SASH1: variants seen among roughly 807,000 people sequenced by gnomAD.
SASH1 encodes the protein SAM and SH3 domain containing 1.
Under a neutral mutation model 125.2 loss-of-function variants are expected in SASH1, and 44 were observed. The ratio of observed to expected loss-of-function variants is 0.35; its 90% CI spans 0.28 to 0.45. The LOEUF (loss-of-function observed/expected upper bound fraction) is 0.45, where lower values mean the gene tolerates loss of function less well. SASH1 is among the 20% of genes least tolerant of loss of function. The probability of loss-of-function intolerance (pLI) is 1.00; values close to 1 mark genes in which losing one functional copy is unlikely to be tolerated. For synonymous variants in SASH1, 639 were observed against 649.1 expected, an observed-to-expected ratio of 0.98 and a Z score of 0.24; for missense variants, 1,426 against 1,614.5, an observed-to-expected ratio of 0.88 and a Z score of 2.00.
intron 2 of SASH1, among the ~76,000 whole-genome samples, chr6:148,408,075 A>G (rs1356381007): frequency 6.6e-6 from 1 of 151,898 alleles, no homozygotes; most frequent in Non-Finnish European, 1.5e-5. Flanking sequence ...TAATGGACAT[A>G]AAATGGTATC....
intron 1 of SASH1, among the ~76,000 whole-genome samples, chr6:148,284,579 A>G (rs1486079402): frequency 1.3e-5 from 2 of 152,246 alleles, no homozygotes; most frequent in African/African-American, 2.4e-5. Flanking sequence ...AGTATTTTCC[A>G]GAGCTTTGAA....
At chr6:148,233,587 A>C in the SASH1 span, among the ~76,000 whole-genome samples, 1 of 151,954 alleles carries the variant, frequency 6.6e-6, no homozygotes, top group Non-Finnish European at 1.5e-5. Context: ...GCAATGAATT[A>C]CATGTTAATT....
At chr6:148,512,347 T>TA (rs1462402295) in intron 8 of SASH1, 36 of 410,966 alleles carry the variant, frequency 8.8e-5, no homozygotes, top group African/African-American at 7.4e-4. Context: ...CGTTGATAGT[T>TA]ATAGAGACTT....
chr6:148,253,237 G>T, the SASH1 span, among the ~76,000 whole-genome samples: 1 of 152,202 alleles, frequency 6.6e-6, no homozygotes, highest in Non-Finnish European at 1.5e-5. Flanking sequence ...TAGATCAGTG[G>T]AATCAAATTG....
At chr6:148,386,414 A>G (rs961074007) in intron 1 of SASH1, among the ~76,000 whole-genome samples, 1 of 152,206 alleles carries the variant, frequency 6.6e-6, no homozygotes, top group African/African-American at 2.4e-5. Context: ...ACAGTTCACA[A>G]ACGTGAAAGC....
chr6:148,471,410 T>TATG lies in SASH1; in HGVS notation c.428-7_428-6insATG. 7.6e-7 allele frequency: 1 copy of TATG among 1,309,368 alleles called. No individual in the cohort carries two copies. Among genetic ancestry groups the TATG allele is most frequent in the Non-Finnish European group, 1.0e-6 (1 of 960,970 alleles). The allele number at this position is 1,309,368 out of a possible 1,614,324, so 81.1% of individuals were successfully genotyped here. ...TCTTTTTTTTTTTTTTTTTTTTTTT[T>TATG]TTTAAGGAAAAGGAGACTGGAAGAA... On this transcript the variant is annotated splice_region_variant and splice_polypyrimidine_tract_variant and intron_variant, in intron 5 of 19. Transcript: ENST00000367467.
At position 148,343,106 on chromosome 6, in the gene SASH1, T is replaced by TGAGCCC. The variant is rs76317765; in HGVS notation, c.51_56dup (p.Glu22_Pro23dup). 215,220 of 1,573,028 alleles carry TGAGCCC rather than the reference T, an allele frequency of 0.14. 16,085 individuals are homozygous for TGAGCCC. The highest frequency in any genetic ancestry group is 0.15 in the Non-Finnish European group (180,371 of 1,166,420). On this transcript the variant is annotated inframe_insertion, in exon 1 of 20. Transcript: ENST00000367467. ...GAGCAGCTGGCCCGGGGCCGGAGCCTGAGCCCGAGCCCGAGCCGGAGCCCG... is the reference window on the plus strand; with the variant it reads ...GAGCAGCTGGCCCGGGGCCGGAGCCTGAGCCCGAGCCCGAGCCCGAGCCGGAGCCCG...
chr6:148,370,014 A>G (rs1393191989), intron 1 of SASH1, among the ~76,000 whole-genome samples: 4 of 147,924 alleles, frequency 2.7e-5, no homozygotes, highest in African/African-American at 9.9e-5. Flanking sequence ...CCAAACCAGC[A>G]AAAACAAAAA....
In SASH1 at chr6:148,463,593, G is replaced by T. The variant is rs1406916486; in HGVS notation, c.387-4952G>T. Among the ~76,000 whole-genome samples the T allele has an allele frequency of 3.3e-5, 5 of 152,176 alleles. No homozygotes were observed. The East Asian group carries it at 9.6e-4, about 29-fold the overall frequency. ...CTTTATGACCACTAAAAATCGGGTT[G>T]CCCTGGAGCTCAGTCTTCATAATGT... On this transcript the variant is annotated intron_variant, in intron 4 of 19. Transcript: ENST00000367467.
chr6:148,408,969 T>G (rs186385869), intron 2 of SASH1, among the ~76,000 whole-genome samples: 27 of 152,324 alleles, frequency 1.8e-4, no homozygotes, highest in African/African-American at 6.5e-4. Context: ...TTTTGCCCGC[T>G]ACACTTGTCA....
chr6:148,473,989 CAACA>C, intron 6 of SASH1, 117 bp from the exon 7 acceptor site: 1 of 653,818 alleles, frequency 1.5e-6, no homozygotes, highest in Non-Finnish European at 2.7e-6. Flanking sequence ...CAGTAACGTT[CAACA>C]TACATAGTGT....
chr6:148,544,119 G>A lies in SASH1; in HGVS notation c.2649G>A (p.Glu883=). The A allele has an allele frequency of 6.2e-7, 1 of 1,614,098 alleles. No homozygotes were observed. Among genetic ancestry groups the A allele is most frequent in the Non-Finnish European group, 8.5e-7 (1 of 1,179,998 alleles). ...CTTCCACGAAGGCCCAGCCCCTGGA[G>A]CAAGACTCTGCTGTCGACAATGCAT... ...TASSTKAQPL[E]QDSAVDNALL... Residue 883 remains glutamate, a synonymous_variant, in exon 18 of 20, where the codon GAG becomes GAA. Coordinates refer to ENST00000367467, the MANE Select transcript of SASH1 (RefSeq NM_015278.5). The surrounding 1 kb of genome is among the most constrained non-coding windows in gnomAD (Gnocchi z 6.4).
intron 10 of SASH1, among the ~76,000 whole-genome samples, chr6:148,523,202 A>G (rs1373715863): frequency 2.0e-5 from 3 of 152,236 alleles, no homozygotes; most frequent in Non-Finnish European, 4.4e-5. Flanking sequence ...GGTTTAAAGC[A>G]GGGACGTGCA....
At chr6:148,320,259 G>T (rs1780603963) in intron 1 of SASH1, among the ~76,000 whole-genome samples, 1 of 152,178 alleles carries the variant, frequency 6.6e-6, no homozygotes, top group Non-Finnish European at 1.5e-5. Context: ...AGATCGCAGA[G>T]CCTGTGGAAA....
chr6:148,362,052 T>C (rs1437138685), intron 1 of SASH1, among the ~76,000 whole-genome samples: 6 of 150,810 alleles, frequency 4.0e-5, no homozygotes, highest in East Asian at 2.0e-4. Context: ...TAGCTGGGAC[T>C]ACAGACGCCC....
At chr6:148,403,943 T>A (rs1274048617) in intron 2 of SASH1, among the ~76,000 whole-genome samples, 1 of 152,236 alleles carries the variant, frequency 6.6e-6, no homozygotes, top group Non-Finnish European at 1.5e-5. Flanking sequence ...TTATTCCTAA[T>A]TCCAAAATTC....
chr6:148,426,158 G>A (rs1386196176), intron 2 of SASH1, among the ~76,000 whole-genome samples: 3 of 152,102 alleles, frequency 2.0e-5, no homozygotes, highest in Non-Finnish European at 4.4e-5. Flanking sequence ...GCAGTGAGCC[G>A]AGATCGTGCC....
chr6:148,421,190 AAAGAAAGAAAG>A (rs1785076840), intron 2 of SASH1, among the ~76,000 whole-genome samples: 1 of 147,358 alleles, frequency 6.8e-6, no homozygotes. Flanking sequence ...AGAAAGAAAG[AAAGAAAGAAAG>A]AAAGAAAGAA....
intron 8 of SASH1, among the ~76,000 whole-genome samples, chr6:148,500,346 T>C (rs1467896769): frequency 6.6e-6 from 1 of 152,218 alleles, no homozygotes; most frequent in Admixed American, 6.5e-5. Context: ...ATAGCTGGAC[T>C]CTGCCTTTTC....
Sources: gnomAD v4.1 joint callset for allele counts (sites outside exome capture counted in the v4.1 genomes callset) on GRCh38, gnomAD v4.1.1 for gene constraint, Gnocchi (gnomAD v3.1) non-coding constraint, MANE v1.5 for transcripts, NCBI Gene and HGNC (gene_info 2026-07-23, HGNC 2026-07-21) for gene names.